The following LMNA variants were observed in gnomAD, a reference collection of about 807,000 sequenced individuals.
The protein encoded by LMNA is lamin.
LMNA carries 20 observed loss-of-function variants against 70.4 expected under a neutral mutation model. The ratio of observed to expected loss-of-function variants is 0.28; its 90% confidence interval spans 0.20 to 0.41. The LOEUF (loss-of-function observed/expected upper bound fraction) is 0.41. Ranked by LOEUF, LMNA falls within the 10% of genes least tolerant of loss-of-function variation. LMNA has a pLI of 1.00. For missense variants in LMNA, 652 were observed against 917.2 expected, an observed-to-expected ratio of 0.71 and a Z score of 3.73; for synonymous variants, 339 against 372.8, an observed-to-expected ratio of 0.91 and a Z score of 1.04.
At chr1:156,123,382 AC>A (rs1409824715) in intron 1 of LMNA, 1 of 152,104 alleles carries the variant, frequency 6.6e-6, no homozygotes, top group Admixed American at 6.6e-5. Flanking sequence ...ATGCAGTGAG[AC>A]CAGACTGCCT....
rs754124627 is a variant in LMNA, at chr1:156,136,728, C to T, written c.1381-193C>T. 23 of 689,280 alleles carry T rather than the reference C, an allele frequency of 3.3e-5. No homozygotes were observed. The highest frequency in any genetic ancestry group is 5.2e-5 in the Non-Finnish European group (20 of 381,458). The allele number at this position is 689,280 out of a possible 1,614,324, so 42.7% of individuals were successfully genotyped here. A position where few individuals can be genotyped will look rare whatever the true frequency, so the allele number is the denominator to read the frequency against. The stretch of plus-strand genomic sequence containing the variant: ...TCAGGAAGATGAAAGATAAGGTATC[C>T]GTGTGCCTGGTGCTGCGTATGTGTC... On this transcript the variant is annotated intron_variant, in intron 7 of 11. Coordinates refer to ENST00000368300, the MANE Select transcript of LMNA (RefSeq NM_170707.4). The surrounding 1 kb of genome is among the most constrained non-coding windows in gnomAD (Gnocchi z 6.1).
chr1:156,111,722 C>G (rs1434788127), upstream of LMNA, among the ~76,000 whole-genome samples: 4 of 152,222 alleles, frequency 2.6e-5, no homozygotes, highest in Non-Finnish European at 5.9e-5. Flanking sequence ...GGAGCTCAGT[C>G]CCCGTCTTTG....
intron 1 of LMNA, among the ~76,000 whole-genome samples, chr1:156,124,837 C>T (rs1257766001): frequency 1.3e-5 from 2 of 152,092 alleles, no homozygotes; most frequent in African/African-American, 2.4e-5. Context: ...ACTAGGCCTC[C>T]GTATCACTCT....
upstream of LMNA, among the ~76,000 whole-genome samples, chr1:156,113,205 G>T (rs926737695): frequency 3.9e-5 from 6 of 152,130 alleles, no homozygotes; most frequent in African/African-American, 1.4e-4. Context: ...TCAGGAGGCT[G>T]AGGCAGGAGA....
At chr1:156,118,852 C>T (rs954107650) in intron 1 of LMNA, among the ~76,000 whole-genome samples, 2 of 152,170 alleles carry the variant, frequency 1.3e-5, no homozygotes, top group African/African-American at 4.8e-5. Context: ...ATTTTTGACC[C>T]AGCCTGGGTA....
At chr1:156,095,650 C>T (rs1409631776) in intron 3 of LMNA, among the ~76,000 whole-genome samples, 1 of 152,192 alleles carries the variant, frequency 6.6e-6, no homozygotes, top group African/African-American at 2.4e-5. Flanking sequence ...AGCCACTGCG[C>T]CCGGTGTCCA....
chr1:156,105,410 A>G (rs965187535), intron 3 of LMNA, among the ~76,000 whole-genome samples: 1 of 151,314 alleles, frequency 6.6e-6, no homozygotes, highest in African/African-American at 2.4e-5. Flanking sequence ...TCCCTACTCT[A>G]CTTGGCAGCC....
Position 156,136,793 on chromosome 1 carries a change from CA to C in LMNA, c.1381-127del. 1.3e-6 allele frequency: 1 copy of C among 786,762 alleles called. No homozygotes were observed. The highest frequency in any genetic ancestry group is 2.2e-6 in the Non-Finnish European group (1 of 458,548). 48.7% of individuals were successfully genotyped at this position (786,762 alleles called of 1,614,324 possible). On this transcript the variant is annotated intron_variant, in intron 7 of 11. Transcript: ENST00000368300. This position sits in a 1 kb window ranked among gnomAD's most constrained non-coding sequence, Gnocchi z 6.1. ...ATTATCCCCGGGGGAAGGGCAGTGA[CA>C]GGGGTGTGTGTAGATGGAAGGAGAG...
Position 156,139,922 on chromosome 1 carries a change from G to C in LMNA, c.*816G>C. ...TGGGAGGAGGGAGAGGGAGGTCACT[G>C]GAAAGGGGAGAGCCTGCTGGCACCC... On this transcript the variant is annotated 3_prime_UTR_variant, in exon 12 of 12. Transcript: ENST00000368300. 7.9e-7 allele frequency: 1 copy of C among 1,267,094 alleles called. No individual in the cohort carries two copies. The highest frequency in any genetic ancestry group is 1.1e-6 in the Non-Finnish European group (1 of 950,206). 78.5% of individuals were successfully genotyped at this position (1,267,094 alleles called of 1,614,324 possible).
intron 1 of LMNA, among the ~76,000 whole-genome samples, chr1:156,122,654 C>T (rs373057297): frequency 6.6e-6 from 1 of 152,162 alleles, no homozygotes; most frequent in African/African-American, 2.4e-5. Context: ...AGAGTAGGAA[C>T]GGGAGATGCG....
chr1:156,135,973 C>A lies in LMNA; in HGVS notation c.1009C>A (p.Leu337Met). 1 of 1,614,072 alleles carries A rather than the reference C, an allele frequency of 6.2e-7. No individual in the cohort carries two copies. The highest frequency in any genetic ancestry group is 1.1e-5 in the South Asian group (1 of 91,088). Residue 337 changes from leucine (L) to methionine (M), a missense_variant, in exon 6 of 12, where the codon CTG (leucine) becomes ATG (methionine). Leu to Met is a conservative substitution (Grantham distance 15). Coordinates refer to ENST00000368300, the MANE Select transcript of LMNA (RefSeq NM_170707.4). This position sits in a 1 kb window ranked among gnomAD's most constrained non-coding sequence, Gnocchi z 4.8. ...LARERDTSRR[L>M]LAEKEREMAE... ...CCGTGAGCGGGACACCAGCCGGCGG[C>A]TGCTGGCGGAAAAGGAGCGGGAGAT...
At chr1:156,126,907 G>C (rs41302091) in intron 1 of LMNA, 138 of 1,604,226 alleles carry the variant, frequency 8.6e-5, no homozygotes, top group Admixed American at 6.3e-4. Context: ...CGAAGCCAGG[G>C]TCTCCCCTGT....
chr1:156,130,780 C>T lies in LMNA; in HGVS notation c.513+7C>T. The T allele has an allele frequency of 6.4e-7, 1 of 1,571,064 alleles. No individual in the cohort carries two copies. The highest frequency in any genetic ancestry group is 8.6e-7 in the Non-Finnish European group (1 of 1,158,234). ...GCGGGGCCAGGTGGCCAAGGTGAGGCCACCCTGCAGGGCCCACCCATGGCC... is the reference window on the plus strand; with the variant it reads ...GCGGGGCCAGGTGGCCAAGGTGAGGTCACCCTGCAGGGCCCACCCATGGCC... On this transcript the variant is annotated splice_region_variant and intron_variant, in intron 2 of 11. Transcript: ENST00000368300.
chr1:156,139,741 C>T lies in LMNA; in HGVS notation c.*635C>T. The T allele has an allele frequency of 3.3e-6, 5 of 1,533,408 alleles. No homozygotes were observed. Among genetic ancestry groups the T allele is most frequent in the Non-Finnish European group, 4.4e-6 (5 of 1,146,296 alleles). 95.0% of individuals were successfully genotyped at this position (1,533,408 alleles called of 1,614,324 possible). The stretch of plus-strand genomic sequence containing the variant: ...GTGAGTCCATTCTCCCAGGTACCAG[C>T]TGCGCTTGCTTTTCTGTATTTTATT... On this transcript the variant is annotated 3_prime_UTR_variant, in exon 12 of 12. Transcript: ENST00000368300.
At chr1:156,112,868 T>C (rs556089546), upstream of LMNA, among the ~76,000 whole-genome samples, 3 of 152,200 alleles carry the variant, frequency 2.0e-5, no homozygotes, top group Non-Finnish European at 4.4e-5. Context: ...GAAGCCCTGA[T>C]ATCTTGGAGC....
In LMNA at chr1:156,135,784, A is replaced by G; in HGVS notation, c.937-117A>G. 1 of 817,400 alleles carries G rather than the reference A, an allele frequency of 1.2e-6. No individual in the cohort carries two copies. The highest frequency in any genetic ancestry group is 1.5e-5 in the South Asian group (1 of 67,498). The allele number at this position is 817,400 out of a possible 1,614,324, so 50.6% of individuals were successfully genotyped here. ...CTGGCTCTGATGAGGGCTCTGGGGA[A>G]GCTCTGATTGCAGATCCTGGAGAGA... On this transcript the variant is annotated intron_variant, in intron 5 of 11. Coordinates refer to ENST00000368300, the MANE Select transcript of LMNA (RefSeq NM_170707.4). This position sits in a 1 kb window ranked among gnomAD's most constrained non-coding sequence, Gnocchi z 4.8.
At chr1:156,121,801 G>A (rs1324804400) in intron 1 of LMNA, among the ~76,000 whole-genome samples, 1 of 152,094 alleles carries the variant, frequency 6.6e-6, no homozygotes, top group African/African-American at 2.4e-5. Context: ...GTACTGATAG[G>A]CCGAACTCTA....
chr1:156,138,995 C>A lies in LMNA; in HGVS notation c.1969-85C>A. On this transcript the variant is annotated intron_variant, in intron 11 of 11. Transcript: ENST00000368300. This position sits in a 1 kb window ranked among gnomAD's most constrained non-coding sequence, Gnocchi z 5.5. ...TGGAGTGTGAGGGATGGGGGAGATG[C>A]TACCTCCCTTCTAGGGGCCAGGGGA... The A allele has an allele frequency of 2.8e-6, 4 of 1,449,464 alleles. No individual in the cohort carries two copies. The highest frequency in any genetic ancestry group is 3.9e-6 in the Non-Finnish European group (4 of 1,030,884). 89.8% of individuals were successfully genotyped at this position (1,449,464 alleles called of 1,614,324 possible).
intron 2 of LMNA, among the ~76,000 whole-genome samples, chr1:156,132,299 A>G (rs532471638): frequency 6.6e-6 from 1 of 152,000 alleles, no homozygotes; most frequent in South Asian, 2.1e-4. Context: ...GTGAAACCCC[A>G]TCTCTACTAC....
Sources: gnomAD v4.1 joint callset for allele counts (sites outside exome capture counted in the v4.1 genomes callset) on GRCh38, gnomAD v4.1.1 for gene constraint, Gnocchi (gnomAD v3.1) non-coding constraint, MANE v1.5 for transcripts, NCBI Gene and HGNC (gene_info 2026-07-23, HGNC 2026-07-21) for gene names.